Variants in MSI2 observed in about 807,000 individuals in gnomAD.
MSI2 encodes the protein musashi RNA binding protein 2.
A neutral mutation model predicts 45.6 loss-of-function variants in MSI2; 17 were observed. That is an observed-to-expected ratio of 0.37 (90% CI 0.26 to 0.56). The LOEUF is 0.56. Among genes scored for constraint, MSI2 ranks in the 20% least tolerant of loss-of-function variants. The pLI, the probability that MSI2 is intolerant of heterozygous loss-of-function variation, is 0.77. For missense variants in MSI2, 293 were observed against 444.2 expected (o/e 0.66, Z 3.06); for synonymous variants, 156 against 158.2 (o/e 0.99, Z 0.11).
intron 13 of MSI2, 76 bp downstream of exon 13, chr17:57,677,135 G>C: frequency 2.0e-6 from 2 of 993,262 alleles, no homozygotes; most frequent in Non-Finnish European, 3.2e-6. Flanking sequence ...ATACATGCAC[G>C]TGCGTGCCCC....
At chr17:57,476,342 A>G (rs1312492325) in intron 6 of MSI2, among the ~76,000 whole-genome samples, 4 of 152,128 alleles carry the variant, frequency 2.6e-5, no homozygotes, top group Non-Finnish European at 5.9e-5. Context: ...CTGAGCCTGG[A>G]TGGAGGTTGG....
At chr17:57,270,104 A>G (rs1285449916) in intron 5 of MSI2, among the ~76,000 whole-genome samples, 1 of 152,186 alleles carries the variant, frequency 6.6e-6, no homozygotes, top group Non-Finnish European at 1.5e-5. Flanking sequence ...CCTGGCTGCT[A>G]TCTTGCTTTA....
intron 7 of MSI2, among the ~76,000 whole-genome samples, chr17:57,551,757 A>C (rs185230162): frequency 6.6e-6 from 1 of 152,182 alleles, no homozygotes; most frequent in Non-Finnish European, 1.5e-5. Context: ...ACTGGGTTCT[A>C]AAGGTGGGAA....
intron 6 of MSI2, among the ~76,000 whole-genome samples, chr17:57,410,631 T>C (rs1030049876): frequency 2.0e-5 from 3 of 152,030 alleles, no homozygotes; most frequent in Non-Finnish European, 4.4e-5. Flanking sequence ...GAGTGGTTTG[T>C]TTACAGGAAG....
chr17:57,437,341 C>A (rs2084708003), intron 6 of MSI2, among the ~76,000 whole-genome samples: 3 of 152,148 alleles, frequency 2.0e-5, no homozygotes, highest in Admixed American at 6.5e-5. Flanking sequence ...CCCAGATCAT[C>A]AGAAAGATGA....
chr17:57,420,938 C>G (rs891945360), intron 6 of MSI2, among the ~76,000 whole-genome samples: 1 of 152,206 alleles, frequency 6.6e-6, no homozygotes, highest in Admixed American at 6.5e-5. Context: ...GTTGGCCTCC[C>G]CTCTGAGATG....
rs138980442 is a variant in MSI2, at chr17:57,306,156, C to T, written c.312+43964C>T. On this transcript the variant is annotated intron_variant, in intron 5 of 13. Coordinates refer to ENST00000284073, the MANE Select transcript of MSI2 (RefSeq NM_138962.4). ...GGAAGCAACTGGGAGCCTCTGGGGA[C>T]GCTGAATCAGGTCCCACTGGCTCCT... Among the ~76,000 whole-genome samples, 669 of 151,970 alleles carry T rather than the reference C, an allele frequency of 4.4e-3. 2 individuals carry two copies. The highest frequency in any genetic ancestry group is 5.7e-3 in the Non-Finnish European group (386 of 67,966).
intron 6 of MSI2, among the ~76,000 whole-genome samples, chr17:57,423,691 G>C (rs564548164): frequency 1.3e-5 from 2 of 152,258 alleles, no homozygotes; most frequent in South Asian, 4.1e-4. Context: ...CCTCAGCACA[G>C]ATCTCTCATG....
At chr17:57,379,272 G>C (rs946161139) in intron 5 of MSI2, among the ~76,000 whole-genome samples, 13 of 151,940 alleles carry the variant, frequency 8.6e-5, no homozygotes, top group African/African-American at 2.2e-4. Context: ...TCTACTACTC[G>C]ATCTACTTTC....
Position 57,257,558 on chromosome 17 carries a change from C to A in MSI2, c.185+11C>A. 1.3e-6 allele frequency: 2 copies of A among 1,554,000 alleles called. No individual in the cohort carries two copies. Among genetic ancestry groups the A allele is most frequent in the South Asian group, 1.1e-5 (1 of 89,062 alleles). ...TACGAAACGCTCCAGGTAAACCATT[C>A]CCTTCTGGATTTTGTCTTTATTTTA... On this transcript the variant is annotated intron_variant, in intron 3 of 13. Coordinates refer to ENST00000284073, the MANE Select transcript of MSI2 (RefSeq NM_138962.4).
At chr17:57,584,274 G>A (rs1043502933) in intron 7 of MSI2, among the ~76,000 whole-genome samples, 1 of 152,212 alleles carries the variant, frequency 6.6e-6, no homozygotes, top group Non-Finnish European at 1.5e-5. Flanking sequence ...CTGGCTTCCA[G>A]ATGTTAAGAA....
Position 57,413,772 on chromosome 17 carries a change from C to T in MSI2, c.405+12301C>T, listed in dbSNP as rs180935302. The stretch of plus-strand genomic sequence containing the variant: ...AGATGTTAATAAACTCAGTGTAAAG[C>T]GAGAGGGAGAAAACCTATAAAAACA... On this transcript the variant is annotated intron_variant, in intron 6 of 13. Transcript: ENST00000284073. Among the ~76,000 whole-genome samples, 35 of 151,888 alleles carry T rather than the reference C, an allele frequency of 2.3e-4. 1 individual carries two copies. The East Asian group carries it at 6.6e-3, about 28-fold the overall frequency.
intron 6 of MSI2, among the ~76,000 whole-genome samples, chr17:57,497,415 G>A (rs941077319): frequency 6.6e-6 from 1 of 152,218 alleles, no homozygotes; most frequent in Non-Finnish European, 1.5e-5. Flanking sequence ...GCAGGCAGCT[G>A]TGTGTGGCAG....
rs962881635 is a variant in MSI2, at chr17:57,649,262, C to A, written c.728-2837C>A. Among the ~76,000 whole-genome samples the A allele has an allele frequency of 5.9e-5, 9 of 151,952 alleles. No individual in the cohort carries two copies. In the South Asian group the frequency reaches 1.9e-3, roughly 32 times the overall value. On this transcript the variant is annotated intron_variant, in intron 10 of 13. Transcript: ENST00000284073. ...ACTCAACACACACATCCACATACAC[C>A]CAACACAGGTACACAATACGTACAC...
In MSI2 at chr17:57,256,570, C is replaced by A; in HGVS notation, c.-173C>A. 2.6e-6 allele frequency: 1 copy of A among 387,474 alleles called. No individual in the cohort carries two copies. The highest frequency in any genetic ancestry group is 4.5e-6 in the Non-Finnish European group (1 of 223,158). The allele number at this position is 387,474 out of a possible 1,614,324, so 24.0% of individuals were successfully genotyped here. On this transcript the variant is annotated 5_prime_UTR_variant, in exon 1 of 14. Coordinates refer to ENST00000284073, the MANE Select transcript of MSI2 (RefSeq NM_138962.4). Reference sequence around the variant, plus strand: ...TAAGCCGAGCCCACGTGTGACGGCTCTCGCCGCTGCCCCGGCTCCGCCGCT... The same window carrying A: ...TAAGCCGAGCCCACGTGTGACGGCTATCGCCGCTGCCCCGGCTCCGCCGCT...
chr17:57,349,616 C>G (rs1047357977), intron 5 of MSI2, among the ~76,000 whole-genome samples: 1 of 152,188 alleles, frequency 6.6e-6, no homozygotes, highest in African/African-American at 2.4e-5. Context: ...ACATTTGTGT[C>G]TAAGTACCAT....
intron 6 of MSI2, among the ~76,000 whole-genome samples, chr17:57,434,454 C>G (rs2084655856): frequency 6.6e-6 from 1 of 152,206 alleles, no homozygotes; most frequent in African/African-American, 2.4e-5. Flanking sequence ...AGCCACTATG[C>G]TGTTCTGTAG....
chr17:57,516,179 G>A (rs747265462), intron 6 of MSI2, among the ~76,000 whole-genome samples: 2 of 152,144 alleles, frequency 1.3e-5, no homozygotes, highest in Non-Finnish European at 2.9e-5. Flanking sequence ...CAAACTCCTT[G>A]TGTTTCTCCT....
In MSI2 at chr17:57,596,799, A is replaced by G. The variant is rs1233365545; in HGVS notation, c.455-69A>G. The G allele has an allele frequency of 3.5e-6, 4 of 1,152,522 alleles. No homozygotes were observed. The highest frequency in any genetic ancestry group is 5.2e-6 in the Non-Finnish European group (4 of 767,802). The allele number at this position is 1,152,522 out of a possible 1,614,324, so 71.4% of individuals were successfully genotyped here. ...TCAAGACCTCAGGACGTCAGAGAAA[A>G]ACCTGGGCCTGCCAGAACTGAACTC... is the stretch of plus-strand genomic sequence containing the variant. On this transcript the variant is annotated intron_variant, in intron 7 of 13. Coordinates refer to ENST00000284073, the MANE Select transcript of MSI2 (RefSeq NM_138962.4). This position sits in a 1 kb window ranked among gnomAD's most constrained non-coding sequence, Gnocchi z 4.6.
Sources: allele counts gnomAD v4.1 joint callset (sites outside exome capture counted in the v4.1 genomes callset), GRCh38; gene constraint gnomAD v4.1.1; non-coding constraint Gnocchi (gnomAD v3.1); transcripts MANE v1.5; gene names NCBI Gene and HGNC (gene_info 2026-07-23, HGNC 2026-07-21).